Variants in GAD1 observed in about 807,000 individuals in gnomAD.
GAD1 encodes glutamate decarboxylase 1, also known as 67 kDa glutamic acid decarboxylase.
In GAD1, 35 loss-of-function variants were observed where a neutral mutation model predicts 75.2. The ratio of observed to expected loss-of-function variants is 0.47; its 90% CI spans 0.36 to 0.62. The LOEUF is 0.62. Ranked by LOEUF, GAD1 falls within the 20% of genes least tolerant of loss-of-function variation. GAD1 has a pLI of 0.00. For synonymous variants in GAD1, 257 were observed against 271.9 expected (o/e 0.95, Z 0.54); for missense variants, 490 against 758.5 (o/e 0.65, Z 4.16).
intron 15 of GAD1, 75 bp downstream of exon 15, chr2:170,857,200 A>G: frequency 8.7e-7 from 1 of 1,155,890 alleles, no homozygotes; most frequent in Non-Finnish European, 1.3e-6. Flanking sequence ...AGCTTCTGGC[A>G]ACATGGGAAA....
chr2:170,844,835 T>C (rs935002696), intron 7 of GAD1, among the ~76,000 whole-genome samples: 2 of 152,206 alleles, frequency 1.3e-5, no homozygotes, highest in African/African-American at 2.4e-5. Context: ...ATTGCAGTTA[T>C]CTAGGTAATT....
At position 170,855,961 on chromosome 2, in the gene GAD1, T is replaced by C. The variant is rs565370496; in HGVS notation, c.1414-1057T>C. ...GAAATATAATGACCACACAACCTGT[T>C]TCAGTAATTTGTGTCTTCTTTTTTG... On this transcript the variant is annotated intron_variant, in intron 14 of 16. Coordinates refer to ENST00000358196, the MANE Select transcript of GAD1 (RefSeq NM_000817.3). 3.3e-5 allele frequency among the ~76,000 whole-genome samples: 5 copies of C among 152,256 alleles called. No individual in the cohort carries two copies. In the South Asian group the frequency reaches 1.0e-3, roughly 32 times the overall value.
chr2:170,844,445 G>C (rs932586060), intron 7 of GAD1, among the ~76,000 whole-genome samples: 1 of 120,926 alleles, frequency 8.3e-6, no homozygotes, highest in African/African-American at 3.3e-5. Flanking sequence ...GTCTCACTCT[G>C]TCATCCAGGC....
At chr2:170,835,942 G>A (rs966210903) in intron 5 of GAD1, among the ~76,000 whole-genome samples, 5 of 152,104 alleles carry the variant, frequency 3.3e-5, no homozygotes, top group Admixed American at 2.0e-4. Flanking sequence ...CTAAAAAACA[G>A]TATTATTTTG....
chr2:170,833,687 T>G (rs1439064492), intron 5 of GAD1, among the ~76,000 whole-genome samples: 1 of 152,226 alleles, frequency 6.6e-6, no homozygotes, highest in African/African-American at 2.4e-5. Flanking sequence ...TAATATTATC[T>G]ACAAAACCAA....
At chr2:170,859,364 GT>G (rs1239250380) in intron 16 of GAD1, among the ~76,000 whole-genome samples, 18 of 152,204 alleles carry the variant, frequency 1.2e-4, no homozygotes, top group Admixed American at 2.6e-4. Flanking sequence ...ACAAATATTT[GT>G]TAAACACAGT....
At chr2:170,813,959 A>G (rs1182342630), upstream of GAD1, among the ~76,000 whole-genome samples, 1 of 151,990 alleles carries the variant, frequency 6.6e-6, no homozygotes, top group Non-Finnish European at 1.5e-5. Context: ...CATTTCTTCA[A>G]AGCGCTTCAA....
chr2:170,848,847 C>A, intron 11 of GAD1: 1 of 515,176 alleles, frequency 1.9e-6, no homozygotes, highest in Non-Finnish European at 3.9e-6. Flanking sequence ...ACCTCCAAAC[C>A]CAGCAGGAAC....
chr2:170,818,766 G>C lies in GAD1; in HGVS notation c.82+93G>C, dbSNP rs1020726109. ...GCTGAGCTGGCGGAAAGGGAAGGGGGAGCGCGGAGATAATGGAGGCTGGGA... is the reference window on the plus strand; with the variant it reads ...GCTGAGCTGGCGGAAAGGGAAGGGGCAGCGCGGAGATAATGGAGGCTGGGA... On this transcript the variant is annotated intron_variant, in intron 2 of 16. Coordinates refer to ENST00000358196, the MANE Select transcript of GAD1 (RefSeq NM_000817.3). The surrounding 1 kb of genome is among the most constrained non-coding windows in gnomAD (Gnocchi z 5.9). 3.8e-5 allele frequency: 46 copies of C among 1,203,008 alleles called. No homozygotes were observed. Among genetic ancestry groups the C allele is most frequent in the Non-Finnish European group, 5.2e-5 (42 of 806,940 alleles). 74.5% of individuals were successfully genotyped at this position (1,203,008 alleles called of 1,614,324 possible). A position where few individuals can be genotyped will look rare whatever the true frequency, so the allele number is the denominator to read the frequency against.
chr2:170,814,942 G>A (rs1701668371), upstream of GAD1, among the ~76,000 whole-genome samples: 1 of 152,182 alleles, frequency 6.6e-6, no homozygotes, highest in Non-Finnish European at 1.5e-5. Context: ...GGAATCACGG[G>A]TTTTGGGAAA....
chr2:170,824,120 G>A (rs1354713228), intron 3 of GAD1, among the ~76,000 whole-genome samples: 1 of 152,198 alleles, frequency 6.6e-6, no homozygotes, highest in East Asian at 1.9e-4. Flanking sequence ...GGGGGCTACA[G>A]TCCTCAGAGA....
intron 4 of GAD1, 27 bp downstream of exon 4, chr2:170,829,660 T>G (rs1328950418): frequency 6.3e-7 from 1 of 1,595,792 alleles, no homozygotes; most frequent in Admixed American, 1.7e-5. Context: ...TCCCGCCCCA[T>G]GCTAGCCAGT....
At position 170,853,230 on chromosome 2, in the gene GAD1, A is replaced by G. The variant is rs1448206333; in HGVS notation, c.1263+438A>G. 4.4e-6 allele frequency: 1 copy of G among 225,004 alleles called. No homozygotes were observed. Among genetic ancestry groups the G allele is most frequent in the Non-Finnish European group, 8.9e-6 (1 of 112,244 alleles). The allele number at this position is 225,004 out of a possible 1,614,324, so 13.9% of individuals were successfully genotyped here. ...GAACAACAACTACAAATATCAACTT[A>G]GGGCCACAAGGAATATTGCCCCAAA... On this transcript the variant is annotated intron_variant, in intron 13 of 16. Coordinates refer to ENST00000358196, the MANE Select transcript of GAD1 (RefSeq NM_000817.3). This position sits in a 1 kb window ranked among gnomAD's most constrained non-coding sequence, Gnocchi z 4.1.
At chr2:170,838,947 C>A (rs1426494874) in intron 6 of GAD1, among the ~76,000 whole-genome samples, 1 of 152,180 alleles carries the variant, frequency 6.6e-6, no homozygotes, top group Non-Finnish European at 1.5e-5. Context: ...TCTGTCAGTT[C>A]TGGAGACAAG....
chr2:170,814,787 G>A (rs1701666403), upstream of GAD1, among the ~76,000 whole-genome samples: 1 of 152,312 alleles, frequency 6.6e-6, no homozygotes, highest in South Asian at 2.1e-4. Flanking sequence ...GCGTTACCTA[G>A]CCTTGCAGGA....
chr2:170,852,991 T>G (rs1274242336), intron 13 of GAD1, 199 bp downstream of exon 13: 3 of 651,890 alleles, frequency 4.6e-6, no homozygotes, highest in East Asian at 2.7e-5. Flanking sequence ...CTACTGTGCT[T>G]CTTCTTTGAT....
intron 14 of GAD1, among the ~76,000 whole-genome samples, chr2:170,854,998 C>T (rs181312057): frequency 6.6e-6 from 1 of 152,184 alleles, no homozygotes; most frequent in African/African-American, 2.4e-5. Context: ...TGTATGCAAT[C>T]AAGGAAAAGA....
intron 3 of GAD1, among the ~76,000 whole-genome samples, chr2:170,827,183 A>G (rs1161207946): frequency 6.6e-6 from 1 of 152,008 alleles, no homozygotes; most frequent in Admixed American, 6.6e-5. Flanking sequence ...CAGCCCTCCC[A>G]TGCATCCCCC....
At chr2:170,846,586 G>A (rs564005240) in intron 10 of GAD1, among the ~76,000 whole-genome samples, 3 of 152,330 alleles carry the variant, frequency 2.0e-5, no homozygotes, top group Non-Finnish European at 4.4e-5. Flanking sequence ...ACCAACACAT[G>A]GTTGTTTCAG....
Sources: allele counts gnomAD v4.1 joint callset (sites outside exome capture counted in the v4.1 genomes callset), GRCh38; gene constraint gnomAD v4.1.1; non-coding constraint Gnocchi (gnomAD v3.1); transcripts MANE v1.5; gene names NCBI Gene and HGNC (gene_info 2026-07-23, HGNC 2026-07-21).